Variants in ESD observed in about 807,000 individuals in gnomAD.
The protein encoded by ESD is esterase D.
A neutral mutation model predicts 38.1 loss-of-function variants in ESD; 34 were observed. The ratio of observed to expected loss-of-function variants is 0.89; its 90% CI spans 0.68 to 1.19. The LOEUF (loss-of-function observed/expected upper bound fraction) is 1.19, where lower values mean the gene tolerates loss of function less well. ESD is among the 50% of genes most tolerant of loss of function. The pLI is 0.00. For synonymous variants in ESD, 97 were observed against 107.0 expected (o/e 0.91, Z 0.58); for missense variants, 334 against 327.2 (o/e 1.02, Z -0.16).
intron 9 of ESD, among the ~76,000 whole-genome samples, chr13:46,774,056 A>T (rs1041525844): frequency 6.6e-6 from 1 of 152,160 alleles, no homozygotes; most frequent in African/African-American, 2.4e-5. Context: ...CAGATATCTC[A>T]AAAGACTTGT....
At chr13:46,789,890 A>G (rs1875330447) in intron 3 of ESD, among the ~76,000 whole-genome samples, 2 of 151,802 alleles carry the variant, frequency 1.3e-5, no homozygotes. Flanking sequence ...ATCTTAGCTC[A>G]CTGCAACCTC....
intron 3 of ESD, among the ~76,000 whole-genome samples, chr13:46,791,079 C>T (rs1049658951): frequency 2.6e-5 from 4 of 152,112 alleles, no homozygotes; most frequent in Non-Finnish European, 4.4e-5. Flanking sequence ...AGAATTTTTA[C>T]TGGCAACATA....
At position 46,771,495 on chromosome 13, in the gene ESD, C is replaced by T. The variant is rs15303; in HGVS notation, c.770G>A (p.Gly257Asp). The T allele has an allele frequency of 0.015, 24,174 of 1,581,136 alleles. 232 individuals carry two copies. Among genetic ancestry groups the T allele is most frequent in the Non-Finnish European group, 0.018 (20,959 of 1,152,248 alleles). Residue 257 changes from glycine to aspartate, a missense_variant and splice_region_variant, in exon 10 of 10, where the codon GGT becomes GAT. Gly to Asp is a moderately conservative substitution (Grantham distance 94, BLOSUM62 -1). Coordinates refer to ENST00000378720, the MANE Select transcript of ESD (RefSeq NM_001984.2). Reference sequence around the variant, plus strand: ...AATGAAGTAGTAGCTATGATCATAACCCTAGAAGATAAAGAGATGATAAGA... The same window carrying T: ...AATGAAGTAGTAGCTATGATCATAATCCTAGAAGATAAAGAGATGATAAGA... ...KIPVVFRLQE[G>D]YDHSYYFIAT...
intron 9 of ESD, among the ~76,000 whole-genome samples, chr13:46,773,864 C>CTA (rs1676348399): frequency 6.6e-6 from 1 of 152,082 alleles, no homozygotes; most frequent in African/African-American, 2.4e-5. Context: ...TTACAGTTTC[C>CTA]TATATAAAGA....
upstream of ESD, among the ~76,000 whole-genome samples, chr13:46,797,543 C>G (rs1875637039): frequency 1.3e-5 from 2 of 151,992 alleles, no homozygotes; most frequent in African/African-American, 2.4e-5. Context: ...TATGTAGAAA[C>G]TAGGGCCTAA....
chr13:46,787,802 T>A (rs1017971671), intron 3 of ESD, among the ~76,000 whole-genome samples: 2 of 151,910 alleles, frequency 1.3e-5, no homozygotes, highest in African/African-American at 4.8e-5. Flanking sequence ...ACTAAATATA[T>A]ATAAAAACTA....
At chr13:46,796,299 A>G (rs1255665555) in intron 1 of ESD, among the ~76,000 whole-genome samples, 1 of 152,226 alleles carries the variant, frequency 6.6e-6, no homozygotes, top group Non-Finnish European at 1.5e-5. Context: ...ACACTGGGCA[A>G]GCTAATCTAT....
chr13:46,781,164 C>A (rs1361540734), intron 7 of ESD, among the ~76,000 whole-genome samples: 2 of 151,602 alleles, frequency 1.3e-5, no homozygotes, highest in East Asian at 3.9e-4. Context: ...TAGATCCTGC[C>A]ACTATAACAT....
At chr13:46,789,411 G>A (rs532870098) in intron 3 of ESD, among the ~76,000 whole-genome samples, 30 of 152,246 alleles carry the variant, frequency 2.0e-4, no homozygotes, top group South Asian at 8.3e-4. Context: ...TAGTAATACC[G>A]TTGAGCTGAC....
chr13:46,797,395 T>A (rs1397049633), upstream of ESD, among the ~76,000 whole-genome samples: 9 of 152,252 alleles, frequency 5.9e-5, no homozygotes, highest in African/African-American at 2.2e-4. Flanking sequence ...GGGCGTTAGG[T>A]TAGTCCCTGT....
rs760087921 is a variant in ESD, at chr13:46,771,373, C to T, written c.*43G>A. 1.6e-6 allele frequency: 2 copies of T among 1,241,716 alleles called. No individual in the cohort carries two copies. The highest frequency in any genetic ancestry group is 2.3e-6 in the Non-Finnish European group (2 of 884,114). The allele number at this position is 1,241,716 out of a possible 1,614,324, so 76.9% of individuals were successfully genotyped here. Reference sequence around the variant, plus strand: ...TGCTCAGCAATACAGTTGCATTTTACAACTTTTATAATCCTGAAGAGATTC... The same window carrying T: ...TGCTCAGCAATACAGTTGCATTTTATAACTTTTATAATCCTGAAGAGATTC... On this transcript the variant is annotated 3_prime_UTR_variant, in exon 10 of 10. Transcript: ENST00000378720.
intron 3 of ESD, chr13:46,790,689 T>C (rs370190238): frequency 6.6e-5 from 10 of 152,184 alleles, no homozygotes; most frequent in African/African-American, 2.4e-4. Flanking sequence ...TCAATTAATC[T>C]TTTTTCTAAG....
chr13:46,777,113 A>C (rs551298875), intron 9 of ESD: 1 of 162,118 alleles, frequency 6.2e-6, no homozygotes, highest in East Asian at 1.7e-4. Flanking sequence ...TTTAGGTAGA[A>C]GTTTGTCCTT....
chr13:46,774,923 A>G (rs1874735513), intron 9 of ESD, among the ~76,000 whole-genome samples: 1 of 152,208 alleles, frequency 6.6e-6, no homozygotes, highest in African/African-American at 2.4e-5. Flanking sequence ...ACTCTTCTCT[A>G]GCAGGCAGAT....
chr13:46,790,351 T>C (rs1250760176), intron 3 of ESD, among the ~76,000 whole-genome samples: 1 of 151,278 alleles, frequency 6.6e-6, no homozygotes, highest in African/African-American at 2.4e-5. Flanking sequence ...ATTGCTTTAC[T>C]GTAAGGTCTG....
chr13:46,785,071 TC>T (rs1875143918), intron 4 of ESD, among the ~76,000 whole-genome samples: 1 of 152,080 alleles, frequency 6.6e-6, no homozygotes, highest in Non-Finnish European at 1.5e-5. Context: ...TTTAGCTTAA[TC>T]ATCTTTGTAT....
rs1875177463 is a variant in ESD at position 46,785,886 on chromosome 13, CTA to C, written c.157+1133_157+1134del. Among the ~76,000 whole-genome samples, 7 of 152,028 alleles carry C rather than the reference CTA, an allele frequency of 4.6e-5. No individual in the cohort carries two copies. The South Asian group carries it at 1.5e-3, about 32-fold the overall frequency. Reference sequence around the variant, plus strand: ...ATTATTGTTTAGCCAAGAGATATGACTATAGTACCCCTCACCAGAAACAAAAC... The same window carrying C: ...ATTATTGTTTAGCCAAGAGATATGACTAGTACCCCTCACCAGAAACAAAAC... On this transcript the variant is annotated intron_variant, in intron 4 of 9. Transcript: ENST00000378720.
chr13:46,781,619 G>GA lies in ESD; in HGVS notation c.382-5dup, dbSNP rs35178907. 3 of 1,602,730 alleles carry GA rather than the reference G, an allele frequency of 1.9e-6. No individual in the cohort carries two copies. Among genetic ancestry groups the GA allele is most frequent in the East Asian group, 4.5e-5 (2 of 44,596 alleles). ...TGGCATTTATGAGTTGGGGAAGCTA[G>GA]AAAAAATTTAATAGTGTGACAAAAG... On this transcript the variant is annotated splice_polypyrimidine_tract_variant and splice_region_variant and intron_variant, in intron 6 of 9. Coordinates refer to ENST00000378720, the MANE Select transcript of ESD (RefSeq NM_001984.2).
intron 9 of ESD, chr13:46,776,126 A>C (rs1028147475): frequency 1.3e-5 from 2 of 153,064 alleles, no homozygotes; most frequent in Non-Finnish European, 2.9e-5. Context: ...TTATAGTCAA[A>C]TTGGTATTTG....
Sources: gnomAD v4.1 joint callset for allele counts (sites outside exome capture counted in the v4.1 genomes callset) on GRCh38, gnomAD v4.1.1 for gene constraint, MANE v1.5 for transcripts, NCBI Gene and HGNC (gene_info 2026-07-23, HGNC 2026-07-21) for gene names.